OR1J2: variants seen among roughly 807,000 people sequenced by gnomAD.
OR1J2 encodes the protein olfactory receptor 1J2.
For missense variants in OR1J2, 304 were observed against 246.1 expected, an observed-to-expected ratio of 1.24 and a Z score of -1.57; for synonymous variants, 142 against 99.7, an observed-to-expected ratio of 1.42 and a Z score of -2.52.
the OR1J2 span, among the ~76,000 whole-genome samples, chr9:122,575,430 A>G: frequency 6.6e-6 from 1 of 152,098 alleles, no homozygotes; most frequent in Non-Finnish European, 1.5e-5. Flanking sequence ...TTGTTGACAT[A>G]TCATGTCTTT....
At chr9:122,476,816 C>T in the OR1J2 span, 1 of 573,104 alleles carries the variant, frequency 1.7e-6, no homozygotes, top group South Asian at 2.1e-5. Context: ...AGTGATTCTT[C>T]TGCCTCAGTC....
the OR1J2 span, among the ~76,000 whole-genome samples, chr9:122,503,903 T>G: frequency 6.6e-6 from 1 of 152,170 alleles, no homozygotes; most frequent in Non-Finnish European, 1.5e-5. Flanking sequence ...GGAACAGAAG[T>G]CAATTTTTAG....
chr9:122,554,319 T>C, the OR1J2 span: 1 of 616,100 alleles, frequency 1.6e-6, no homozygotes, highest in African/African-American at 1.8e-5. Flanking sequence ...TTCATTCTTT[T>C]ATTAGGCTGT....
At chr9:122,473,057 T>G in the OR1J2 span, among the ~76,000 whole-genome samples, 4 of 152,232 alleles carry the variant, frequency 2.6e-5, no homozygotes, top group Non-Finnish European at 5.9e-5. Context: ...TAATTCTTAC[T>G]TTATCTTATC....
chr9:122,561,744 G>A, the OR1J2 span, among the ~76,000 whole-genome samples: 5 of 152,146 alleles, frequency 3.3e-5, no homozygotes, highest in African/African-American at 1.2e-4. Context: ...GAGGGGCACC[G>A]ACCTAATGCC....
the OR1J2 span, chr9:122,519,711 G>C: frequency 1.2e-6 from 2 of 1,614,072 alleles, no homozygotes; most frequent in African/African-American, 1.3e-5. Flanking sequence ...CTCATGCTCA[G>C]ACATCTCCCT....
At chr9:122,528,883 G>A in the OR1J2 span, among the ~76,000 whole-genome samples, 3 of 152,124 alleles carry the variant, frequency 2.0e-5, no homozygotes, top group Non-Finnish European at 4.4e-5. Flanking sequence ...CTCTCAGACA[G>A]GTGTTCTTTT....
chr9:122,536,141 G>T, the OR1J2 span, among the ~76,000 whole-genome samples: 1 of 152,148 alleles, frequency 6.6e-6, no homozygotes, highest in Non-Finnish European at 1.5e-5. Context: ...GGGCTCAGAG[G>T]CCTGACAGTA....
the OR1J2 span, among the ~76,000 whole-genome samples, chr9:122,486,211 T>G: frequency 2.4e-4 from 36 of 152,132 alleles, no homozygotes; most frequent in African/African-American, 8.5e-4. Context: ...CCACCCACCT[T>G]GGCCTCCCAA....
At chr9:122,457,847 C>A in the OR1J2 span, among the ~76,000 whole-genome samples, 1 of 152,122 alleles carries the variant, frequency 6.6e-6, no homozygotes, top group Non-Finnish European at 1.5e-5. Flanking sequence ...CTTCTAACAT[C>A]TACCCCTTTA....
the OR1J2 span, among the ~76,000 whole-genome samples, chr9:122,535,030 A>G: frequency 6.6e-6 from 1 of 152,016 alleles, no homozygotes. Context: ...GGTTTTTAAG[A>G]ACACAGGCTA....
chr9:122,493,438 G>T, the OR1J2 span, among the ~76,000 whole-genome samples: 2 of 152,076 alleles, frequency 1.3e-5, no homozygotes, highest in Non-Finnish European at 2.9e-5. Context: ...TAGGAGGGTT[G>T]TATATTTCCA....
the OR1J2 span, among the ~76,000 whole-genome samples, chr9:122,464,162 T>C: frequency 1.3e-5 from 2 of 152,118 alleles, no homozygotes; most frequent in African/African-American, 4.8e-5. Flanking sequence ...AATGGAGTTA[T>C]GTTCCCAGGG....
the OR1J2 span, chr9:122,572,984 C>T: frequency 6.6e-6 from 1 of 152,260 alleles, no homozygotes; most frequent in Non-Finnish European, 1.5e-5. Context: ...CCTTAACTCC[C>T]TGTTTCCTTC....
chr9:122,456,905 T>C, the OR1J2 span, among the ~76,000 whole-genome samples: 2 of 152,212 alleles, frequency 1.3e-5, no homozygotes, highest in Admixed American at 6.5e-5. Context: ...TGTTCTGTTA[T>C]AAAGATACAT....
At chr9:122,504,167 G>T in the OR1J2 span, among the ~76,000 whole-genome samples, 1 of 152,192 alleles carries the variant, frequency 6.6e-6, no homozygotes, top group Non-Finnish European at 1.5e-5. Context: ...TTTTGTGCCT[G>T]ACAATTCTCA....
At chr9:122,516,513 C>T (rs1224292444), downstream of OR1J2, among the ~76,000 whole-genome samples, 1 of 151,844 alleles carries the variant, frequency 6.6e-6, no homozygotes, top group Admixed American at 6.6e-5. Flanking sequence ...CCGTTTTAGC[C>T]GGGATGGTCT....
the OR1J2 span, among the ~76,000 whole-genome samples, chr9:122,562,350 C>T: frequency 6.6e-6 from 1 of 152,238 alleles, no homozygotes; most frequent in South Asian, 2.1e-4. Context: ...GTGATGGCTG[C>T]AACTCCTCCC....
chr9:122,488,787 A>C, the OR1J2 span, among the ~76,000 whole-genome samples: 31 of 152,332 alleles, frequency 2.0e-4, no homozygotes, highest in African/African-American at 7.2e-4. Flanking sequence ...CATTCAGAAG[A>C]ATATTGTATA....
Sources: gnomAD v4.1 joint callset for allele counts (sites outside exome capture counted in the v4.1 genomes callset) on GRCh38, gnomAD v4.1.1 for gene constraint, MANE v1.5 for transcripts, NCBI Gene and HGNC (gene_info 2026-07-23, HGNC 2026-07-21) for gene names.